SHISA9: variants seen among roughly 807,000 people sequenced by gnomAD.
SHISA9 encodes protein shisa-9.
In SHISA9, 13 loss-of-function variants were observed where a neutral mutation model predicts 38.0. The ratio of observed to expected loss-of-function variants is 0.34; its 90% CI spans 0.22 to 0.54. The LOEUF is 0.54. SHISA9 is among the 20% of genes least tolerant of loss of function. SHISA9 has a pLI of 0.91. For missense variants in SHISA9, 538 were observed against 575.8 expected (o/e 0.93, Z 0.67); for synonymous variants, 275 against 242.0 (o/e 1.14, Z -1.27).
chr16:13,059,926 C>G (rs564285848), intron 2 of SHISA9, among the ~76,000 whole-genome samples: 5 of 152,272 alleles, frequency 3.3e-5, no homozygotes, highest in African/African-American at 1.2e-4. Flanking sequence ...CTTAGACTTT[C>G]CGACTCCAGA....
At chr16:13,392,136 G>A in the SHISA9 span, among the ~76,000 whole-genome samples, 4 of 152,068 alleles carry the variant, frequency 2.6e-5, no homozygotes, top group Non-Finnish European at 4.4e-5. Flanking sequence ...AAGGTACCTC[G>A]AACATCCTAA....
At position 12,937,209 on chromosome 16, in the gene SHISA9, A is replaced by C. The variant is rs552467985; in HGVS notation, c.691+20394A>C. On this transcript the variant is annotated intron_variant, in intron 2 of 4. Coordinates refer to ENST00000558583, the MANE Select transcript of SHISA9 (RefSeq NM_001145204.3). Reference sequence around the variant, plus strand: ...GTGTCTTATGTCTAGCAGTCTGTCCATGTACATATAGTACATTTAAAAAAA... The same window carrying C: ...GTGTCTTATGTCTAGCAGTCTGTCCCTGTACATATAGTACATTTAAAAAAA... Among the ~76,000 whole-genome samples, 4 of 152,208 alleles carry C rather than the reference A, an allele frequency of 2.6e-5. No individual in the cohort carries two copies. In the South Asian group the frequency reaches 8.3e-4, roughly 32 times the overall value.
chr16:12,999,058 A>G (rs929967231), intron 2 of SHISA9, among the ~76,000 whole-genome samples: 2 of 152,152 alleles, frequency 1.3e-5, no homozygotes, highest in African/African-American at 4.8e-5. Flanking sequence ...CTTATTTGGT[A>G]TATATTATTG....
the SHISA9 span, among the ~76,000 whole-genome samples, chr16:13,322,832 C>G: frequency 6.6e-6 from 1 of 152,052 alleles, no homozygotes; most frequent in African/African-American, 2.4e-5. Flanking sequence ...TAGATCAAAC[C>G]TGGCCCGTAA....
At chr16:13,065,858 C>A (rs1045539306) in intron 2 of SHISA9, among the ~76,000 whole-genome samples, 5 of 152,240 alleles carry the variant, frequency 3.3e-5, no homozygotes, top group Non-Finnish European at 5.9e-5. Context: ...AAAGGACTGA[C>A]TTCCACAGCT....
At chr16:13,532,557 ATGTGTGTGTG>A in the SHISA9 span, among the ~76,000 whole-genome samples, 2 of 150,032 alleles carry the variant, frequency 1.3e-5, no homozygotes, top group South Asian at 2.1e-4. Flanking sequence ...GCGTGTGTGT[ATGTGTGTGTG>A]TGTGTGTGTG....
At chr16:13,494,912 T>G in the SHISA9 span, among the ~76,000 whole-genome samples, 1 of 152,188 alleles carries the variant, frequency 6.6e-6, no homozygotes, top group East Asian at 1.9e-4. Flanking sequence ...GTCTATACAT[T>G]GATACATGCA....
At chr16:13,384,215 A>C in the SHISA9 span, among the ~76,000 whole-genome samples, 1 of 152,186 alleles carries the variant, frequency 6.6e-6, no homozygotes, top group Non-Finnish European at 1.5e-5. Flanking sequence ...TAGGAACTAC[A>C]TGGGATTAGA....
At chr16:13,296,087 A>T in the SHISA9 span, among the ~76,000 whole-genome samples, 1 of 152,164 alleles carries the variant, frequency 6.6e-6, no homozygotes, top group Non-Finnish European at 1.5e-5. Context: ...TGTCACTCTC[A>T]TAGCCTACTT....
chr16:13,340,869 C>G, the SHISA9 span, among the ~76,000 whole-genome samples: 1 of 152,172 alleles, frequency 6.6e-6, no homozygotes, highest in Non-Finnish European at 1.5e-5. Flanking sequence ...AGCCCACTCT[C>G]CACTCCACTC....
the SHISA9 span, among the ~76,000 whole-genome samples, chr16:13,453,821 G>A: frequency 6.6e-6 from 1 of 152,206 alleles, no homozygotes; most frequent in South Asian, 2.1e-4. Flanking sequence ...ATGGAAGACT[G>A]CAGCTCACCT....
At chr16:13,422,881 C>G in the SHISA9 span, among the ~76,000 whole-genome samples, 1 of 152,140 alleles carries the variant, frequency 6.6e-6, no homozygotes, top group African/African-American at 2.4e-5. Flanking sequence ...TGATGACAGT[C>G]TTATTGCACG....
intron 2 of SHISA9, among the ~76,000 whole-genome samples, chr16:13,041,099 C>T (rs2141888097): frequency 6.6e-6 from 1 of 152,310 alleles, no homozygotes; most frequent in East Asian, 1.9e-4. Context: ...AGGGGTGCAG[C>T]ACTGAACAAA....
the SHISA9 span, among the ~76,000 whole-genome samples, chr16:13,315,501 C>T: frequency 6.6e-6 from 1 of 152,298 alleles, no homozygotes; most frequent in East Asian, 1.9e-4. Flanking sequence ...GGAGGGATTT[C>T]TCTCAGGTTG....
At chr16:13,116,851 A>C (rs10492782) in intron 2 of SHISA9, among the ~76,000 whole-genome samples, 2 of 152,198 alleles carry the variant, frequency 1.3e-5, no homozygotes, top group Non-Finnish European at 2.9e-5. Flanking sequence ...ATTAGTGACC[A>C]TGTGATAAAT....
chr16:12,986,700 C>G (rs540553195), intron 2 of SHISA9, among the ~76,000 whole-genome samples: 1 of 152,300 alleles, frequency 6.6e-6, no homozygotes, highest in South Asian at 2.1e-4. Context: ...TAACAGCTAA[C>G]ATTTAGGAAA....
chr16:13,424,755 C>A, the SHISA9 span, among the ~76,000 whole-genome samples: 2 of 152,186 alleles, frequency 1.3e-5, no homozygotes, highest in African/African-American at 4.8e-5. Flanking sequence ...ATCGGCATGG[C>A]TATGTCTCGG....
At chr16:13,077,162 C>T (rs1171953045) in intron 2 of SHISA9, among the ~76,000 whole-genome samples, 2 of 152,174 alleles carry the variant, frequency 1.3e-5, no homozygotes, top group African/African-American at 4.8e-5. Flanking sequence ...GACTGAACAG[C>T]GTCTGATCTC....
chr16:13,421,592 C>T, the SHISA9 span, among the ~76,000 whole-genome samples: 2 of 152,108 alleles, frequency 1.3e-5, no homozygotes, highest in African/African-American at 2.4e-5. Flanking sequence ...ATGATATTTA[C>T]GTAGAGACAC....
Sources: gnomAD v4.1 joint callset for allele counts (sites outside exome capture counted in the v4.1 genomes callset) on GRCh38, gnomAD v4.1.1 for gene constraint, MANE v1.5 for transcripts, NCBI Gene and HGNC (gene_info 2026-07-23, HGNC 2026-07-21) for gene names.